The following ABR variants were observed in gnomAD, a reference collection of about 807,000 sequenced individuals.
ABR encodes the protein ABR activator of RhoGEF and GTPase.
In ABR, 35 loss-of-function variants were observed where a neutral mutation model predicts 107.2. The ratio of observed to expected loss-of-function variants is 0.33; its 90% confidence interval spans 0.25 to 0.43. The LOEUF (loss-of-function observed/expected upper bound fraction) is 0.43. Ranked by LOEUF, ABR falls within the 20% of genes least tolerant of loss-of-function variation. The pLI is 1.00. For missense variants in ABR, 815 were observed against 1,115.2 expected (o/e 0.73, Z 3.83); for synonymous variants, 498 against 462.0 (o/e 1.08, Z -1.00).
At position 1,147,968 on chromosome 17, in the gene ABR, G is replaced by C. The variant is rs565611570; in HGVS notation, c.62-22601C>G. Reference sequence around the variant, plus strand: ...CAGGAGCACCAACGGCTTAGTGTTGGGTAGAAGCTGGCACCTGAGGGCCAC... The same window carrying C: ...CAGGAGCACCAACGGCTTAGTGTTGCGTAGAAGCTGGCACCTGAGGGCCAC... On this transcript the variant is annotated intron_variant, in intron 1 of 22. Transcript: ENST00000302538. Among the ~76,000 whole-genome samples the C allele has an allele frequency of 5.3e-5, 8 of 152,260 alleles. No individual in the cohort carries two copies. The East Asian group carries it at 1.6e-3, about 30-fold the overall frequency.
Position 1,010,273 on chromosome 17 carries a change from G to A in ABR, c.2236+456C>T, listed in dbSNP as rs2070417930. 9.0e-6 allele frequency: 2 copies of A among 222,192 alleles called. No individual in the cohort carries two copies. The highest frequency in any genetic ancestry group is 1.8e-5 in the Non-Finnish European group (2 of 110,426). 13.8% of individuals were successfully genotyped at this position (222,192 alleles called of 1,614,324 possible). A position where few individuals can be genotyped will look rare whatever the true frequency, so the allele number is the denominator to read the frequency against. ...GGGGCTGGGTTTGGCCCAGGTGGGT[G>A]GAGGCGGAAGGCCTGCTGGCCGGGG... is the stretch of plus-strand genomic sequence containing the variant. On this transcript the variant is annotated intron_variant, in intron 20 of 22. Transcript: ENST00000302538. The surrounding 1 kb of genome is among the most constrained non-coding windows in gnomAD (Gnocchi z 4.1).
intron 1 of ABR, among the ~76,000 whole-genome samples, chr17:1,159,288 T>G (rs62069442): frequency 0.077 from 1,341 of 17,384 alleles, 39 homozygotes; most frequent in African/African-American, 0.16. Flanking sequence ...ACGGGAGAGG[T>G]AAGAATGCGG....
intron 2 of ABR, among the ~76,000 whole-genome samples, chr17:1,105,003 C>CTTT (rs748696872): frequency 6.4e-4 from 81 of 125,760 alleles, no homozygotes; most frequent in African/African-American, 8.5e-4. Context: ...TTTACAGTAA[C>CTTT]TTTTTTTTTT....
chr17:1,010,431 G>T lies in ABR; in HGVS notation c.2236+298C>A. On this transcript the variant is annotated intron_variant, in intron 20 of 22. Coordinates refer to ENST00000302538, the MANE Select transcript of ABR (RefSeq NM_021962.5). The surrounding 1 kb of genome is among the most constrained non-coding windows in gnomAD (Gnocchi z 4.1). ...CTGGCTTCTGGCCACTCACCTCAGG[G>T]CAGTCTTCCCTGGATGCTCGAGCTT... The T allele has an allele frequency of 2.4e-6, 1 of 422,404 alleles. No individual in the cohort carries two copies. Among genetic ancestry groups the T allele is most frequent in the Non-Finnish European group, 4.4e-6 (1 of 228,710 alleles). 26.2% of individuals were successfully genotyped at this position (422,404 alleles called of 1,614,324 possible). A position where few individuals can be genotyped will look rare whatever the true frequency, so the allele number is the denominator to read the frequency against.
chr17:1,217,987 G>A (rs908945123), intron 1 of ABR, among the ~76,000 whole-genome samples: 4 of 151,818 alleles, frequency 2.6e-5, no homozygotes, highest in Non-Finnish European at 5.9e-5. Flanking sequence ...GTGCTACCAC[G>A]CCCGACTAAT....
At chr17:1,216,317 C>T (rs1317083685) in intron 1 of ABR, among the ~76,000 whole-genome samples, 1 of 152,174 alleles carries the variant, frequency 6.6e-6, no homozygotes, top group African/African-American at 2.4e-5. Context: ...AGGAGGAGAG[C>T]GGGGCCCACA....
intron 2 of ABR, among the ~76,000 whole-genome samples, chr17:1,108,593 G>GCC (rs1014928704): frequency 2.3e-4 from 35 of 152,394 alleles, no homozygotes; most frequent in South Asian, 8.3e-4. Context: ...GAAGAGGGTG[G>GCC]CCCCTCTCTT....
chr17:1,010,778 G>A lies in ABR; in HGVS notation c.2187C>T (p.Pro729=), dbSNP rs764136832. 2.5e-5 allele frequency: 41 copies of A among 1,611,026 alleles called. No individual in the cohort carries two copies. The highest frequency in any genetic ancestry group is 5.3e-5 in the African/African-American group (4 of 74,844). The part of the protein sequence containing the change: ...GTLKLYFREL[P]EPLLTDRLYP... ...AGAGTCGGTCCGTGAGGAGCGGCTC[G>A]GGCAGTTCCCGGAAGTACAGCTTGA... is the stretch of plus-strand genomic sequence containing the variant. Residue 729 remains proline, a synonymous_variant, in exon 20 of 23, where the codon CCC becomes CCT. Coordinates refer to ENST00000302538, the MANE Select transcript of ABR (RefSeq NM_021962.5). This position sits in a 1 kb window ranked among gnomAD's most constrained non-coding sequence, Gnocchi z 4.1.
chr17:1,125,172 G>A lies in ABR; in HGVS notation c.246+11C>T, dbSNP rs376459251. 108 of 1,557,772 alleles carry A rather than the reference G, an allele frequency of 6.9e-5. No homozygotes were observed. Among genetic ancestry groups the A allele is most frequent in the East Asian group, 1.8e-4 (8 of 44,054 alleles). Reference sequence around the variant, plus strand: ...CTCCCCAAACCCAGAAAGAAAAGCCGGTGTACCTACCCCAGGAGCCAGTCC... The same window carrying A: ...CTCCCCAAACCCAGAAAGAAAAGCCAGTGTACCTACCCCAGGAGCCAGTCC... On this transcript the variant is annotated intron_variant, in intron 2 of 22. Coordinates refer to ENST00000302538, the MANE Select transcript of ABR (RefSeq NM_021962.5).
At chr17:1,049,889 GCCAC>G (rs2032254850) in intron 16 of ABR, 157 bp downstream of exon 16, 1 of 999,658 alleles carries the variant, frequency 1.0e-6, no homozygotes, top group African/African-American at 1.6e-5. Flanking sequence ...ACAACAGGCA[GCCAC>G]CTCTAGCAGG....
chr17:1,191,358 T>TTC (rs1555617898), upstream of ABR, among the ~76,000 whole-genome samples: 3 of 138,608 alleles, frequency 2.2e-5, no homozygotes, highest in Non-Finnish European at 3.2e-5. Context: ...TCTTTTCTTT[T>TTC]TTTTTTTTTT....
intron 1 of ABR, among the ~76,000 whole-genome samples, chr17:1,199,639 G>C (rs1448710999): frequency 2.6e-5 from 4 of 152,196 alleles, no homozygotes; most frequent in Admixed American, 2.6e-4. Flanking sequence ...AGTAGAGACA[G>C]GGTTTCACCA....
At chr17:1,008,091 C>T (rs955940310) in intron 21 of ABR, among the ~76,000 whole-genome samples, 2 of 151,348 alleles carry the variant, frequency 1.3e-5, no homozygotes, top group African/African-American at 4.8e-5. Context: ...TATGCCTCTC[C>T]GTCTGCCTCG....
In ABR at chr17:1,091,818, G is replaced by A. The variant is rs2037048621; in HGVS notation, c.378C>T (p.Thr126=). The change falls in exon 4 of 23, where the codon ACC becomes ACT. Residue 126 remains threonine (T), a synonymous_variant. Transcript: ENST00000302538. ...GCTGGATGGTGAGCACGGGCTGGGA[G>A]GTGGTGGCGGTGGCCTTCAGGGGTT... ...PMKPLKATAT[T]SQPVLTIQQI... The A allele has an allele frequency of 6.2e-7, 1 of 1,613,954 alleles. No homozygotes were observed. Among genetic ancestry groups the A allele is most frequent in the South Asian group, 1.1e-5 (1 of 91,064 alleles).
intron 1 of ABR, among the ~76,000 whole-genome samples, chr17:1,203,437 C>CGGGGCCCGCGGGGGA (rs2042720536): frequency 1.4e-4 from 1 of 6,968 alleles, no homozygotes; most frequent in Admixed American, 1.7e-3. Flanking sequence ...CCCGCGGGGA[C>CGGGGCCCGCGGGGGA]GGAGTCTGCG....
At chr17:1,040,584 C>T (rs957531137) in intron 16 of ABR, among the ~76,000 whole-genome samples, 3 of 152,226 alleles carry the variant, frequency 2.0e-5, no homozygotes, top group Non-Finnish European at 4.4e-5. Context: ...AAGGCCCCGA[C>T]CCAGGGGACC....
At chr17:1,090,410 A>T (rs2036943241) in intron 4 of ABR, among the ~76,000 whole-genome samples, 1 of 151,708 alleles carries the variant, frequency 6.6e-6, no homozygotes, top group Non-Finnish European at 1.5e-5. Flanking sequence ...GTGGGAGGTG[A>T]GTGGGCCTGG....
chr17:1,134,403 C>G (rs950780675), intron 1 of ABR, among the ~76,000 whole-genome samples: 4 of 130,046 alleles, frequency 3.1e-5, no homozygotes, highest in African/African-American at 1.1e-4. Context: ...CAGAGCAAGA[C>G]TCCCTCTCAA....
chr17:1,108,690 T>C (rs1262320870), intron 2 of ABR, among the ~76,000 whole-genome samples: 6 of 152,278 alleles, frequency 3.9e-5, no homozygotes. Flanking sequence ...AGGTGACTCC[T>C]GGCACAGCCG....
Sources: gnomAD v4.1 joint callset for allele counts (sites outside exome capture counted in the v4.1 genomes callset) on GRCh38, gnomAD v4.1.1 for gene constraint, Gnocchi (gnomAD v3.1) non-coding constraint, MANE v1.5 for transcripts, NCBI Gene and HGNC (gene_info 2026-07-23, HGNC 2026-07-21) for gene names.